Variants in EXOC6B observed in about 807,000 individuals in gnomAD.
EXOC6B encodes the protein exocyst complex component 6B.
EXOC6B carries 54 observed loss-of-function variants against 113.5 expected under a neutral mutation model. The ratio of observed to expected loss-of-function variants is 0.48; its 90% CI spans 0.38 to 0.60. EXOC6B has a LOEUF of 0.60. EXOC6B is among the 20% of genes least tolerant of loss of function. The pLI is 0.00. For missense variants in EXOC6B, 797 were observed against 977.5 expected, an observed-to-expected ratio of 0.82 and a Z score of 2.46; for synonymous variants, 357 against 339.0, an observed-to-expected ratio of 1.05 and a Z score of -0.58.
intron 6 of EXOC6B, among the ~76,000 whole-genome samples, chr2:72,607,663 T>C (rs997135066): frequency 1.3e-5 from 2 of 152,188 alleles, no homozygotes; most frequent in African/African-American, 2.4e-5. Flanking sequence ...TCAGCCTTCC[T>C]TTTTAATGGG....
At chr2:72,506,084 T>C (rs2105622954) in intron 11 of EXOC6B, among the ~76,000 whole-genome samples, 1 of 152,284 alleles carries the variant, frequency 6.6e-6, no homozygotes, top group Non-Finnish European at 1.5e-5. Flanking sequence ...TCTATATTTA[T>C]GCATTTACAA....
intron 18 of EXOC6B, among the ~76,000 whole-genome samples, chr2:72,418,167 A>G (rs141100127): frequency 4.5e-4 from 68 of 152,284 alleles, no homozygotes; most frequent in African/African-American, 1.4e-3. Context: ...TTACTCTGAA[A>G]TTTTAAATTC....
At chr2:72,699,199 G>A (rs1405014816) in intron 6 of EXOC6B, among the ~76,000 whole-genome samples, 1 of 152,194 alleles carries the variant, frequency 6.6e-6, no homozygotes, top group Admixed American at 6.5e-5. Context: ...GTCAAACATG[G>A]CCGGGCGCGG....
intron 20 of EXOC6B, among the ~76,000 whole-genome samples, chr2:72,268,861 T>C (rs1684302128): frequency 6.6e-6 from 1 of 152,154 alleles, no homozygotes; most frequent in Non-Finnish European, 1.5e-5. Context: ...GAGGCCCTCA[T>C]CAGAAGCAGA....
chr2:72,528,445 A>C (rs1289480915), intron 8 of EXOC6B, among the ~76,000 whole-genome samples: 1 of 152,090 alleles, frequency 6.6e-6, no homozygotes, highest in Non-Finnish European at 1.5e-5. Flanking sequence ...CTATAGCTAC[A>C]TAATAAGTCT....
At chr2:72,185,155 C>A (rs1396812617) in intron 20 of EXOC6B, among the ~76,000 whole-genome samples, 1 of 152,258 alleles carries the variant, frequency 6.6e-6, no homozygotes, top group East Asian at 1.9e-4. Flanking sequence ...CATATCACTG[C>A]ATAGAGGGAG....
chr2:72,406,448 T>C (rs1481842719), intron 18 of EXOC6B, among the ~76,000 whole-genome samples: 4 of 152,142 alleles, frequency 2.6e-5, no homozygotes, highest in Non-Finnish European at 4.4e-5. Flanking sequence ...ACCACATAGT[T>C]GGAAGTAAAG....
chr2:72,551,858 T>C (rs1703252779), intron 8 of EXOC6B, among the ~76,000 whole-genome samples: 1 of 152,224 alleles, frequency 6.6e-6, no homozygotes, highest in African/African-American at 2.4e-5. Context: ...AATGCGGTCA[T>C]ACTATAATCA....
chr2:72,676,680 T>C (rs1207130162), intron 6 of EXOC6B, among the ~76,000 whole-genome samples: 2 of 152,144 alleles, frequency 1.3e-5, no homozygotes, highest in Non-Finnish European at 2.9e-5. Flanking sequence ...ACATATAAAA[T>C]TTGAAATCTT....
chr2:72,363,189 A>G (rs1051174384), intron 19 of EXOC6B, among the ~76,000 whole-genome samples: 2 of 152,120 alleles, frequency 1.3e-5, no homozygotes, highest in African/African-American at 4.8e-5. Flanking sequence ...GTCATTATCA[A>G]TTTTTAAAGG....
At chr2:72,557,587 G>T (rs2103677081) in intron 8 of EXOC6B, among the ~76,000 whole-genome samples, 1 of 151,968 alleles carries the variant, frequency 6.6e-6, no homozygotes, top group Admixed American at 6.6e-5. Flanking sequence ...TATAAGTGGG[G>T]GCTAAATGAC....
At chr2:72,788,780 C>T (rs1227948956) in intron 1 of EXOC6B, among the ~76,000 whole-genome samples, 1 of 152,130 alleles carries the variant, frequency 6.6e-6, no homozygotes, top group Non-Finnish European at 1.5e-5. Context: ...GCCTGGGCAA[C>T]AGAGCCTCAA....
chr2:72,531,616 C>T (rs1702007393), intron 8 of EXOC6B, among the ~76,000 whole-genome samples: 1 of 152,104 alleles, frequency 6.6e-6, no homozygotes, highest in Admixed American at 6.5e-5. Context: ...TCTAGAAATC[C>T]TCAACAAAAT....
intron 6 of EXOC6B, among the ~76,000 whole-genome samples, chr2:72,665,754 C>T (rs531077757): frequency 2.6e-5 from 4 of 152,276 alleles, no homozygotes; most frequent in East Asian, 1.9e-4. Flanking sequence ...CACCTAAATA[C>T]GTAGCCCACA....
chr2:72,245,068 T>C lies in EXOC6B; in HGVS notation c.2197-60881A>G, dbSNP rs148550125. Among the ~76,000 whole-genome samples, 304 of 152,320 alleles carry C rather than the reference T, an allele frequency of 2.0e-3. 3 individuals are homozygous for C. The highest frequency in any genetic ancestry group is 6.8e-3 in the African/African-American group (283 of 41,584). ...AAGATATTAGCTCTTTCCAACTTGA[T>C]CTATAGTTTCAATACAATCCCAATA... On this transcript the variant is annotated intron_variant, in intron 20 of 21. Coordinates refer to ENST00000272427, the MANE Select transcript of EXOC6B (RefSeq NM_015189.3).
chr2:72,626,976 A>G (rs1346490454), intron 6 of EXOC6B, among the ~76,000 whole-genome samples: 1 of 152,126 alleles, frequency 6.6e-6, no homozygotes, highest in Non-Finnish European at 1.5e-5. Context: ...AGAAACTTTA[A>G]TTTCTTTTTA....
intron 20 of EXOC6B, among the ~76,000 whole-genome samples, chr2:72,204,556 A>G (rs989944094): frequency 5.9e-5 from 9 of 152,012 alleles, no homozygotes; most frequent in African/African-American, 1.2e-4. Flanking sequence ...AGAAGAAGAA[A>G]AAAAAAAAAG....
At chr2:72,343,017 A>G (rs1259039281) in intron 19 of EXOC6B, among the ~76,000 whole-genome samples, 1 of 152,218 alleles carries the variant, frequency 6.6e-6, no homozygotes, top group Admixed American at 6.5e-5. Context: ...AATGGTGTAT[A>G]TATACAATGG....
intron 18 of EXOC6B, among the ~76,000 whole-genome samples, chr2:72,460,816 T>G (rs982624763): frequency 1.3e-5 from 2 of 151,820 alleles, no homozygotes; most frequent in African/African-American, 4.9e-5. Context: ...CTCAGGGATC[T>G]AGAACTAGAA....
Sources: allele counts gnomAD v4.1 joint callset (sites outside exome capture counted in the v4.1 genomes callset), GRCh38; gene constraint gnomAD v4.1.1; transcripts MANE v1.5; gene names NCBI Gene and HGNC (gene_info 2026-07-23, HGNC 2026-07-21).